The following PRKG1 variants were observed in gnomAD, a reference collection of about 807,000 sequenced individuals.
PRKG1 encodes the protein cGMP-dependent protein kinase 1.
Under a neutral mutation model 88.1 loss-of-function variants are expected in PRKG1, and 35 were observed. That is an observed-to-expected ratio of 0.40 (90% confidence interval 0.30 to 0.53). The LOEUF is 0.53. PRKG1 is among the 20% of genes least tolerant of loss of function. The pLI is 0.59. For synonymous variants in PRKG1, 303 were observed against 292.5 expected, an observed-to-expected ratio of 1.04 and a Z score of -0.37; for missense variants, 540 against 839.8, an observed-to-expected ratio of 0.64 and a Z score of 4.41.
intron 3 of PRKG1, among the ~76,000 whole-genome samples, chr10:51,496,176 A>G (rs555059997): frequency 6.6e-5 from 10 of 152,296 alleles, no homozygotes; most frequent in African/African-American, 2.2e-4. Context: ...TGGTAATGCC[A>G]TTCTATGTAA....
In PRKG1 at chr10:52,285,369, C is replaced by T. The variant is rs185893898; in HGVS notation, c.1709+3053C>T. ...ATTCTTTTTTCCTACAGTAGCTACT[C>T]AGTAAATAATTACTGAATGAATATA... On this transcript the variant is annotated intron_variant, in intron 14 of 17. Transcript: ENST00000373980. Among the ~76,000 whole-genome samples the T allele has an allele frequency of 7.5e-4, 114 of 152,126 alleles. 1 individual carries two copies. Among genetic ancestry groups the T allele is most frequent in the Non-Finnish European group, 1.3e-3 (85 of 67,974 alleles).
intron 1 of PRKG1, among the ~76,000 whole-genome samples, chr10:51,120,128 T>C (rs1450915083): frequency 6.6e-6 from 1 of 152,128 alleles, no homozygotes; most frequent in Admixed American, 6.6e-5. Context: ...TTTTGAAAGA[T>C]AGTTGTGGAA....
chr10:51,034,021 G>T (rs1311191484), intron 1 of PRKG1, among the ~76,000 whole-genome samples: 1 of 152,126 alleles, frequency 6.6e-6, no homozygotes, highest in East Asian at 1.9e-4. Flanking sequence ...GATGCCTCTA[G>T]ATGATTAGAA....
intron 3 of PRKG1, chr10:51,696,839 A>G (rs16921608): frequency 0.21 from 32,636 of 152,052 alleles, 4,412 homozygotes; most frequent in African/African-American, 0.39. Flanking sequence ...TAGATCAACC[A>G]GTCCCTAGAC....
At chr10:50,994,885 A>G (rs1842821452) in intron 1 of PRKG1, among the ~76,000 whole-genome samples, 1 of 152,066 alleles carries the variant, frequency 6.6e-6, no homozygotes, top group African/African-American at 2.4e-5. Context: ...ATACAGTATA[A>G]CAACTATTTA....
chr10:52,261,667 A>G (rs1841437080), intron 10 of PRKG1, among the ~76,000 whole-genome samples: 1 of 152,118 alleles, frequency 6.6e-6, no homozygotes, highest in Admixed American at 6.6e-5. Context: ...AAACAAGGCA[A>G]ATGCTATGGT....
At chr10:51,633,714 C>A (rs1564582809) in intron 3 of PRKG1, among the ~76,000 whole-genome samples, 1 of 152,062 alleles carries the variant, frequency 6.6e-6, no homozygotes, top group East Asian at 1.9e-4. Context: ...GGAGTCAGAG[C>A]CGGCAGTTTT....
chr10:51,394,612 T>C (rs902536046), intron 2 of PRKG1, among the ~76,000 whole-genome samples: 2 of 152,220 alleles, frequency 1.3e-5, no homozygotes, highest in Non-Finnish European at 2.9e-5. Context: ...GATAGGGAAA[T>C]GCTGAATCTC....
intron 5 of PRKG1, among the ~76,000 whole-genome samples, chr10:52,030,584 C>T (rs924980720): frequency 2.6e-5 from 4 of 152,046 alleles, no homozygotes; most frequent in Non-Finnish European, 4.4e-5. Context: ...TATTGAAGGT[C>T]GAAGGAAGTT....
rs141129585 is a variant in PRKG1 at position 52,240,474 on chromosome 10, A to G, written c.1077-11096A>G. Among the ~76,000 whole-genome samples the G allele has an allele frequency of 5.8e-3, 878 of 152,322 alleles. 11 individuals carry two copies. Among genetic ancestry groups the G allele is most frequent in the African/African-American group, 0.02 (838 of 41,576 alleles). ...AAGTATAAGCTAAGGAAATCTGAAT[A>G]AAAGTATGGAGTTTAGTTTCAAAAG... On this transcript the variant is annotated intron_variant, in intron 9 of 17. Coordinates refer to ENST00000373980, the MANE Select transcript of PRKG1 (RefSeq NM_006258.4).
rs912399560 is a variant in PRKG1 at position 52,286,121 on chromosome 10, T to G, written c.1710-2605T>G. 1.5e-4 allele frequency among the ~76,000 whole-genome samples: 23 copies of G among 152,158 alleles called. 1 individual carries two copies. Among genetic ancestry groups the G allele is most frequent in the African/African-American group, 5.5e-4 (23 of 41,544 alleles). On this transcript the variant is annotated intron_variant, in intron 14 of 17. Coordinates refer to ENST00000373980, the MANE Select transcript of PRKG1 (RefSeq NM_006258.4). ...ATTCAGAATAATATCACCACAGTAT[T>G]TCCATGTGGTGAATTAATGAATTAA...
intron 3 of PRKG1, among the ~76,000 whole-genome samples, chr10:51,645,991 C>A (rs1418677600): frequency 6.6e-6 from 1 of 152,070 alleles, no homozygotes; most frequent in Non-Finnish European, 1.5e-5. Context: ...TAAGCCTGAA[C>A]TCTTAAGTAT....
At chr10:51,392,360 C>G (rs996024664) in intron 2 of PRKG1, among the ~76,000 whole-genome samples, 5 of 152,004 alleles carry the variant, frequency 3.3e-5, no homozygotes, top group African/African-American at 9.7e-5. Context: ...CTTCAAGCAT[C>G]TGTTTAACAA....
chr10:52,221,704 C>T (rs946375822), intron 9 of PRKG1, among the ~76,000 whole-genome samples: 32 of 152,158 alleles, frequency 2.1e-4, no homozygotes, highest in African/African-American at 7.7e-4. Flanking sequence ...GTTTTACATA[C>T]ACAAACAAGA....
intron 2 of PRKG1, among the ~76,000 whole-genome samples, chr10:51,309,520 G>T (rs950427162): frequency 6.6e-6 from 1 of 152,092 alleles, no homozygotes; most frequent in African/African-American, 2.4e-5. Flanking sequence ...CATCAGAAAA[G>T]AGCAAATTAA....
At chr10:52,085,769 A>G (rs1389460598) in intron 7 of PRKG1, among the ~76,000 whole-genome samples, 2 of 152,088 alleles carry the variant, frequency 1.3e-5, no homozygotes, top group African/African-American at 4.8e-5. Context: ...TGTTCATCCC[A>G]TTCCCTCAGA....
At chr10:51,331,691 G>A (rs1437888062) in intron 2 of PRKG1, among the ~76,000 whole-genome samples, 1 of 152,112 alleles carries the variant, frequency 6.6e-6, no homozygotes, top group Non-Finnish European at 1.5e-5. Context: ...TAGCTTTTGT[G>A]AACATATTTT....
chr10:51,609,625 C>A (rs1838852555), intron 3 of PRKG1, among the ~76,000 whole-genome samples: 1 of 152,050 alleles, frequency 6.6e-6, no homozygotes, highest in Admixed American at 6.6e-5. Context: ...AAAGAAAATG[C>A]AATACATATA....
intron 9 of PRKG1, among the ~76,000 whole-genome samples, chr10:52,240,063 C>T (rs941262518): frequency 2.6e-5 from 4 of 152,136 alleles, no homozygotes; most frequent in African/African-American, 9.7e-5. Context: ...GAGAGGGACA[C>T]CTTTCCAAGG....
Sources: allele counts gnomAD v4.1 joint callset (sites outside exome capture counted in the v4.1 genomes callset), GRCh38; gene constraint gnomAD v4.1.1; transcripts MANE v1.5; gene names NCBI Gene and HGNC (gene_info 2026-07-23, HGNC 2026-07-21).